Variants in GPC6 observed in about 807,000 individuals in gnomAD.
The protein encoded by GPC6 is glypican 6, also known as glypican-6.
Under a neutral mutation model 55.2 loss-of-function variants are expected in GPC6, and 14 were observed. The observed-to-expected ratio is 0.25, with a 90% CI of 0.17 to 0.40. GPC6 has a LOEUF of 0.40. Ranked by LOEUF, GPC6 falls within the 10% of genes least tolerant of loss-of-function variation. The probability of loss-of-function intolerance (pLI) is 1.00; values close to 1 mark genes in which losing one functional copy is unlikely to be tolerated. For missense variants in GPC6, 641 were observed against 708.5 expected, an observed-to-expected ratio of 0.90 and a Z score of 1.08; for synonymous variants, 278 against 259.6, an observed-to-expected ratio of 1.07 and a Z score of -0.68.
At chr13:93,385,899 A>G (rs1374523244) in intron 1 of GPC6, among the ~76,000 whole-genome samples, 3 of 152,086 alleles carry the variant, frequency 2.0e-5, no homozygotes, top group Non-Finnish European at 2.9e-5. Context: ...GAGTTTTACA[A>G]TTCTCATTTA....
At chr13:93,940,954 T>G (rs900876392) in intron 3 of GPC6, among the ~76,000 whole-genome samples, 2 of 152,194 alleles carry the variant, frequency 1.3e-5, no homozygotes, top group African/African-American at 4.8e-5. Context: ...CCCTTTTTTC[T>G]CTAGGTGTTT....
At chr13:94,150,663 G>A (rs942987528) in intron 4 of GPC6, among the ~76,000 whole-genome samples, 8 of 150,874 alleles carry the variant, frequency 5.3e-5, no homozygotes, top group South Asian at 4.2e-4. Context: ...TGATATCCAC[G>A]CTCCTAATAA....
At chr13:93,655,060 C>G in intron 2 of GPC6, among the ~76,000 whole-genome samples, 1 of 35,370 alleles carries the variant, frequency 2.8e-5, no homozygotes, top group East Asian at 3.9e-4. Context: ...CTGTGTTAGC[C>G]AGGATGTCTC....
intron 4 of GPC6, among the ~76,000 whole-genome samples, chr13:94,135,123 T>C (rs763343815): frequency 2.6e-5 from 4 of 152,156 alleles, no homozygotes; most frequent in African/African-American, 4.8e-5. Flanking sequence ...ATAGTACTTA[T>C]CTAGCTGAAA....
chr13:93,854,792 T>C (rs1869700434), intron 3 of GPC6, among the ~76,000 whole-genome samples: 2 of 151,898 alleles, frequency 1.3e-5, no homozygotes, highest in African/African-American at 4.8e-5. Flanking sequence ...TTTTATTGAA[T>C]AGTCTATCCT....
chr13:93,548,703 G>A (rs541901558), intron 2 of GPC6, among the ~76,000 whole-genome samples: 2 of 152,160 alleles, frequency 1.3e-5, no homozygotes, highest in East Asian at 1.9e-4. Context: ...GAATCAGTAC[G>A]AGTTATTACC....
At chr13:94,286,257 T>C in intron 4 of GPC6, 92 bp from the exon 5 acceptor site, 1 of 1,359,264 alleles carries the variant, frequency 7.4e-7, no homozygotes, top group East Asian at 2.3e-5. Flanking sequence ...GCACCATTAT[T>C]TTTCATCCAG....
intron 3 of GPC6, among the ~76,000 whole-genome samples, chr13:93,999,131 C>G (rs572912270): frequency 6.6e-6 from 1 of 152,234 alleles, no homozygotes; most frequent in East Asian, 1.9e-4. Flanking sequence ...TTGCCCCCAT[C>G]AACCCCGTCA....
At chr13:93,956,396 CA>C (rs1375518156) in intron 3 of GPC6, among the ~76,000 whole-genome samples, 1 of 152,108 alleles carries the variant, frequency 6.6e-6, no homozygotes, top group Non-Finnish European at 1.5e-5. Context: ...CTGTTGCTTA[CA>C]AAATGGTGAT....
intron 3 of GPC6, among the ~76,000 whole-genome samples, chr13:94,015,911 G>T (rs144749194): frequency 1.3e-5 from 2 of 152,280 alleles, no homozygotes; most frequent in Non-Finnish European, 2.9e-5. Context: ...TTACAAAAAT[G>T]CATAACACTC....
chr13:94,223,690 A>G (rs1890456430), intron 4 of GPC6, among the ~76,000 whole-genome samples: 1 of 152,126 alleles, frequency 6.6e-6, no homozygotes, highest in South Asian at 2.1e-4. Flanking sequence ...TACTGTCATT[A>G]TCATCTTACA....
At chr13:94,159,226 A>G (rs965250917) in intron 4 of GPC6, among the ~76,000 whole-genome samples, 2 of 152,096 alleles carry the variant, frequency 1.3e-5, no homozygotes, top group Non-Finnish European at 1.5e-5. Context: ...CAGATTCCTC[A>G]CTTGTTGAAA....
chr13:93,295,499 T>TTG (rs375341172), intron 1 of GPC6, among the ~76,000 whole-genome samples: 1 of 151,670 alleles, frequency 6.6e-6, no homozygotes, highest in Admixed American at 6.6e-5. Context: ...TTTTGTTTGT[T>TTG]TGTGTGTGTG....
At chr13:94,226,105 A>G (rs1393855739) in intron 4 of GPC6, among the ~76,000 whole-genome samples, 2 of 152,198 alleles carry the variant, frequency 1.3e-5, no homozygotes, top group Non-Finnish European at 2.9e-5. Context: ...GAGATGACCA[A>G]CAAATTCTTA....
At chr13:94,388,350 G>A (rs759993260) in intron 7 of GPC6, among the ~76,000 whole-genome samples, 10 of 152,230 alleles carry the variant, frequency 6.6e-5, no homozygotes, top group South Asian at 2.1e-4. Context: ...AGTTCACGTC[G>A]TTCAATTATA....
chr13:93,840,100 C>T (rs999559534), intron 3 of GPC6, among the ~76,000 whole-genome samples: 2 of 152,012 alleles, frequency 1.3e-5, no homozygotes, highest in Non-Finnish European at 2.9e-5. Context: ...TGGTCCTGTA[C>T]TTTTTTTGTG....
chr13:93,566,737 C>G (rs1876144400), intron 2 of GPC6, among the ~76,000 whole-genome samples: 1 of 151,722 alleles, frequency 6.6e-6, no homozygotes, highest in African/African-American at 2.4e-5. Flanking sequence ...TTGACAGGCC[C>G]TGGTGTGTGA....
chr13:93,762,873 A>G (rs1158735145), intron 2 of GPC6, among the ~76,000 whole-genome samples: 1 of 152,182 alleles, frequency 6.6e-6, no homozygotes, highest in Non-Finnish European at 1.5e-5. Context: ...GCAATTCTGC[A>G]CGTAGGTAAT....
chr13:93,952,854 GTATATATATGTAT>G (rs1421430379), intron 3 of GPC6, among the ~76,000 whole-genome samples: 1 of 144,206 alleles, frequency 6.9e-6, no homozygotes, highest in Admixed American at 7.0e-5. Context: ...ATATATATAC[GTATATATATGTAT>G]ATATATACAT....
Sources: gnomAD v4.1 joint callset for allele counts (sites outside exome capture counted in the v4.1 genomes callset) on GRCh38, gnomAD v4.1.1 for gene constraint, MANE v1.5 for transcripts, NCBI Gene and HGNC (gene_info 2026-07-23, HGNC 2026-07-21) for gene names.